The following DAB2IP variants were observed in gnomAD, a reference collection of about 807,000 sequenced individuals.
DAB2IP encodes disabled homolog 2-interacting protein.
Under a neutral mutation model 107.2 loss-of-function variants are expected in DAB2IP, and 28 were observed. That is an observed-to-expected ratio of 0.26 (90% CI 0.19 to 0.36). The LOEUF is 0.36. Ranked by LOEUF, DAB2IP falls within the 10% of genes least tolerant of loss-of-function variation. The pLI is 1.00. For missense variants in DAB2IP, 1,400 were observed against 1,644.7 expected (o/e 0.85, Z 2.57); for synonymous variants, 755 against 706.4 (o/e 1.07, Z -1.09).
intron 1 of DAB2IP, among the ~76,000 whole-genome samples, chr9:121,592,365 C>CA (rs999409255): frequency 0.011 from 1,453 of 134,796 alleles, 23 homozygotes; most frequent in African/African-American, 0.032. Flanking sequence ...GACTCCATCT[C>CA]AAAAAAAAAA....
At position 121,768,428 on chromosome 9, in the gene DAB2IP, C is replaced by G. The variant is rs553624172; in HGVS notation, c.1698-4C>G. On this transcript the variant is annotated splice_polypyrimidine_tract_variant and splice_region_variant and intron_variant, in intron 9 of 15. Transcript: ENST00000408936. The stretch of plus-strand genomic sequence containing the variant: ...TAGTGCTCACCCAACTGCCCTCTCT[C>G]CAGATTTGGCAGCAAGGAGGAATAC... 12 of 1,614,034 alleles carry G rather than the reference C, an allele frequency of 7.4e-6. No individual in the cohort carries two copies. The highest frequency in any genetic ancestry group is 3.3e-5 in the Admixed American group (2 of 60,010).
At chr9:121,741,170 C>T (rs1832314384) in intron 3 of DAB2IP, among the ~76,000 whole-genome samples, 4 of 152,174 alleles carry the variant, frequency 2.6e-5, no homozygotes, top group Admixed American at 2.0e-4. Context: ...CATTCGGCTC[C>T]AGGAAGATAG....
At chr9:121,771,350 T>C (rs538873151) in intron 11 of DAB2IP, among the ~76,000 whole-genome samples, 22 of 152,182 alleles carry the variant, frequency 1.4e-4, no homozygotes, top group Admixed American at 2.0e-4. Context: ...ACCCCTACTC[T>C]CCCCTCTCCC....
intron 3 of DAB2IP, among the ~76,000 whole-genome samples, chr9:121,714,502 C>T (rs1251120952): frequency 6.6e-6 from 1 of 152,160 alleles, no homozygotes; most frequent in East Asian, 1.9e-4. Flanking sequence ...TAGGGCGGGG[C>T]ACCGATTCAA....
At chr9:121,600,033 C>G (rs1362057957) in intron 1 of DAB2IP, among the ~76,000 whole-genome samples, 2 of 152,098 alleles carry the variant, frequency 1.3e-5, no homozygotes, top group African/African-American at 4.8e-5. Context: ...AGGGCTGGCG[C>G]TGGGTTCTTG....
chr9:121,578,716 C>G (rs1830121376), intron 1 of DAB2IP, among the ~76,000 whole-genome samples: 1 of 139,004 alleles, frequency 7.2e-6, no homozygotes, highest in Non-Finnish European at 1.5e-5. Context: ...CCTCTCCGGC[C>G]TATGTCTTTT....
intron 2 of DAB2IP, among the ~76,000 whole-genome samples, chr9:121,693,802 G>A (rs1039833797): frequency 6.6e-6 from 1 of 152,232 alleles, no homozygotes; most frequent in African/African-American, 2.4e-5. Flanking sequence ...TGCTGGGCTT[G>A]GGGGAAGGAA....
chr9:121,758,397 ATTG>A, intron 4 of DAB2IP, among the ~76,000 whole-genome samples: 1 of 152,240 alleles, frequency 6.6e-6, no homozygotes, highest in Middle Eastern at 3.4e-3. Context: ...TTATATTACC[ATTG>A]TTGTCACTGC....
intron 1 of DAB2IP, among the ~76,000 whole-genome samples, chr9:121,627,133 A>G (rs1831679038): frequency 2.0e-5 from 1 of 51,170 alleles, no homozygotes; most frequent in Non-Finnish European, 4.3e-5. Context: ...ACACACACAC[A>G]CACACACTCA....
chr9:121,751,250 G>C (rs1037069313), intron 3 of DAB2IP: 6 of 164,786 alleles, frequency 3.6e-5, no homozygotes, highest in African/African-American at 1.4e-4. Flanking sequence ...GCCAAGGCTG[G>C]TGCAGTTAGT....
At chr9:121,712,384 G>A (rs1830378830) in intron 3 of DAB2IP, among the ~76,000 whole-genome samples, 1 of 152,204 alleles carries the variant, frequency 6.6e-6, no homozygotes. Flanking sequence ...CAGCCCAAAG[G>A]GAGCAATGCT....
chr9:121,730,917 C>T (rs1372266578), intron 3 of DAB2IP, among the ~76,000 whole-genome samples: 1 of 152,208 alleles, frequency 6.6e-6, no homozygotes, highest in Non-Finnish European at 1.5e-5. Context: ...AAGTGTGCAC[C>T]ATGTGCCAGG....
intron 3 of DAB2IP, among the ~76,000 whole-genome samples, chr9:121,712,586 C>G (rs1564173287): frequency 6.6e-6 from 1 of 152,156 alleles, no homozygotes; most frequent in East Asian, 1.9e-4. Context: ...AATTTTCCCT[C>G]TGACGCATGG....
chr9:121,740,832 C>T (rs1012043145), intron 3 of DAB2IP, among the ~76,000 whole-genome samples: 3 of 152,166 alleles, frequency 2.0e-5, no homozygotes, highest in Admixed American at 2.0e-4. Flanking sequence ...CTGTTATCTG[C>T]AGGGGATAGT....
At chr9:121,715,254 T>TCAACAGCCACCCC in intron 3 of DAB2IP, among the ~76,000 whole-genome samples, 1 of 152,278 alleles carries the variant, frequency 6.6e-6, no homozygotes, top group Non-Finnish European at 1.5e-5. Context: ...GGGGGAACCC[T>TCAACAGCCACCCC]CAACAGCCAC....
At chr9:121,668,823 T>A (rs917758121) in intron 1 of DAB2IP, among the ~76,000 whole-genome samples, 1 of 151,742 alleles carries the variant, frequency 6.6e-6, no homozygotes, top group Non-Finnish European at 1.5e-5. Flanking sequence ...TGTAAGTGCA[T>A]GCACATGTAA....
At position 121,745,773 on chromosome 9, in the gene DAB2IP, C is replaced by A. The variant is rs550547771; in HGVS notation, c.363-11240C>A. On this transcript the variant is annotated intron_variant, in intron 3 of 15. Coordinates refer to ENST00000408936, the Ensembl canonical transcript of DAB2IP. Reference sequence around the variant, plus strand: ...CATCCGAGGTCCACACTCCTTTGGCCCAGTGCTCCTTCCCTTCACATCTTC... The same window carrying A: ...CATCCGAGGTCCACACTCCTTTGGCACAGTGCTCCTTCCCTTCACATCTTC... Among the ~76,000 whole-genome samples, 10 of 152,286 alleles carry A rather than the reference C, an allele frequency of 6.6e-5. No individual in the cohort carries two copies. In the East Asian group the frequency reaches 1.9e-3, roughly 29 times the overall value.
chr9:121,778,655 G>A (rs1049990535), intron 14 of DAB2IP, among the ~76,000 whole-genome samples: 29 of 152,124 alleles, frequency 1.9e-4, no homozygotes, highest in African/African-American at 7.0e-4. Context: ...CTACAAAGGA[G>A]CAGATCAAAA....
intron 1 of DAB2IP, among the ~76,000 whole-genome samples, chr9:121,656,938 G>A (rs1233125425): frequency 1.3e-5 from 2 of 152,206 alleles, no homozygotes; most frequent in Non-Finnish European, 2.9e-5. Flanking sequence ...TCAGGCCCTG[G>A]CTTTGAGAAG....
Sources: allele counts gnomAD v4.1 joint callset (sites outside exome capture counted in the v4.1 genomes callset), GRCh38; gene constraint gnomAD v4.1.1; transcripts MANE v1.5; gene names NCBI Gene and HGNC (gene_info 2026-07-23, HGNC 2026-07-21).